The following ZNF160 variants were observed in gnomAD, a reference collection of about 807,000 sequenced individuals.
The protein encoded by ZNF160 is zinc finger protein 160.
Under a neutral mutation model 13.1 loss-of-function variants are expected in ZNF160, and 9 were observed. The observed-to-expected ratio is 0.69, with a 90% CI of 0.41 to 1.20. The LOEUF (loss-of-function observed/expected upper bound fraction) is 1.20, where lower values mean the gene tolerates loss of function less well. ZNF160 is among the 50% of genes most tolerant of loss of function. The pLI, the probability that ZNF160 is intolerant of heterozygous loss-of-function variation, is 0.01. For synonymous variants in ZNF160, 293 were observed against 333.2 expected, an observed-to-expected ratio of 0.88 and a Z score of 1.31; for missense variants, 838 against 988.0, an observed-to-expected ratio of 0.85 and a Z score of 2.04.
chr19:53,083,961 T>G (rs556416678), intron 3 of ZNF160, among the ~76,000 whole-genome samples: 55 of 152,282 alleles, frequency 3.6e-4, no homozygotes, highest in African/African-American at 1.1e-3. Flanking sequence ...TGTTCCCTAC[T>G]TCCTACTTAG....
At chr19:53,075,359 G>A (rs2084347292) in intron 3 of ZNF160, 176 bp from the exon 4 acceptor site, 2 of 694,252 alleles carry the variant, frequency 2.9e-6, no homozygotes, top group South Asian at 3.8e-5. Context: ...CCTGACATAA[G>A]AGCTCACTTG....
rs772985632 is a variant in ZNF160, at chr19:53,068,391, T to C, written c.2143A>G (p.Ser715Gly). ...YRCNECGKAF[S>G]VRSSLTTHQA... The stretch of plus-strand genomic sequence containing the variant: ...TGGGTGGTTAGGCTTGAACGAACAC[T>C]GAAGGCTTTCCCACACTCATTGCAT... Residue 715 changes from serine to glycine, a missense_variant, in exon 6 of 6, where the codon AGT becomes GGT. Ser to Gly is a moderately conservative substitution (Grantham distance 56). Coordinates refer to ENST00000683776, the MANE Select transcript of ZNF160 (RefSeq NM_001322131.2). The C allele has an allele frequency of 1.9e-6, 3 of 1,614,084 alleles. No homozygotes were observed. In the South Asian group the frequency reaches 3.3e-5, roughly 18 times the overall value.
chr19:53,086,359 G>C, intron 2 of ZNF160, 38 bp from the exon 3 acceptor site: 1 of 1,511,486 alleles, frequency 6.6e-7, no homozygotes, highest in Non-Finnish European at 8.9e-7. Context: ...AGTCAATACT[G>C]AATATCCAAA....
At chr19:53,100,338 T>C (rs952674534) in intron 1 of ZNF160, among the ~76,000 whole-genome samples, 1 of 152,206 alleles carries the variant, frequency 6.6e-6, no homozygotes, top group African/African-American at 2.4e-5. Context: ...TGGCCGAGCG[T>C]GGTGGCTCAC....
intron 5 of ZNF160, among the ~76,000 whole-genome samples, chr19:53,071,576 T>C (rs1415671234): frequency 6.8e-6 from 1 of 148,110 alleles, no homozygotes. Flanking sequence ...GGCATGAGGA[T>C]TGCCTTAGCC....
intron 2 of ZNF160, among the ~76,000 whole-genome samples, chr19:53,089,224 A>T (rs2084949857): frequency 6.6e-6 from 1 of 152,148 alleles, no homozygotes; most frequent in Admixed American, 6.5e-5. Flanking sequence ...CAACCAGTAA[A>T]CAGCATCTGA....
chr19:53,070,412 A>G (rs1044032017), intron 5 of ZNF160, 150 bp from the exon 6 acceptor site: 36 of 925,364 alleles, frequency 3.9e-5, no homozygotes, highest in Non-Finnish European at 4.8e-5. Context: ...TAGGAACAAA[A>G]ATGTTTTTTT....
intron 1 of ZNF160, among the ~76,000 whole-genome samples, chr19:53,093,955 C>G (rs1600905429): frequency 6.6e-6 from 1 of 152,136 alleles, no homozygotes; most frequent in Admixed American, 6.5e-5. Context: ...AATTCCCTTA[C>G]AATTGTGTAA....
chr19:53,072,872 G>GT (rs1282610117), intron 5 of ZNF160: 3 of 756,562 alleles, frequency 4.0e-6, no homozygotes, highest in Middle Eastern at 6.7e-4. Context: ...TATTGTCCGT[G>GT]GAATAATAAA....
Position 53,068,659 on chromosome 19 carries a change from T to C in ZNF160, c.1875A>G (p.Glu625=), listed in dbSNP as rs1457269074. The change falls in exon 6 of 6, where the codon GAA becomes GAG. Residue 625 remains glutamate (E), a synonymous_variant. Transcript: ENST00000683776. ...HTGEKPYKCH[E]CGKVFRHNSY... is the part of the protein sequence containing the mutation. The stretch of plus-strand genomic sequence containing the variant: ...AATTGTGCCTAAAAACCTTGCCGCA[T>C]TCATGACATTTGTAAGGTTTCTCTC... 1.2e-6 allele frequency: 2 copies of C among 1,613,890 alleles called. No homozygotes were observed. Among genetic ancestry groups the C allele is most frequent in the East Asian group, 2.2e-5 (1 of 44,832 alleles).
rs547893819 is a variant in ZNF160, at chr19:53,069,337, G to A, written c.1197C>T (p.Cys399=). ...CACTAAAGGCTTTGCCGCACTCATT[G>A]CACTTGTAAGGTTTCTCTCCAGTGT... The part of the protein sequence containing the change: ...RIHTGEKPYK[C]NECGKAFSVR... The change falls in exon 6 of 6, where the codon TGC becomes TGT. Residue 399 remains cysteine (C), a synonymous_variant. Transcript: ENST00000683776. This position sits in a 1 kb window ranked among gnomAD's most constrained non-coding sequence, Gnocchi z 4.4. The A allele has an allele frequency of 8.0e-5, 129 of 1,613,014 alleles. No individual in the cohort carries two copies. Among genetic ancestry groups the A allele is most frequent in the South Asian group, 6.3e-4 (57 of 90,976 alleles).
chr19:53,080,401 G>A (rs1811655823), intron 3 of ZNF160, among the ~76,000 whole-genome samples: 1 of 152,120 alleles, frequency 6.6e-6, no homozygotes, highest in South Asian at 2.1e-4. Context: ...GCCCGGCCCA[G>A]TCAGCAGTAC....
chr19:53,091,323 C>T (rs946648400), intron 2 of ZNF160, 90 bp downstream of exon 2: 2 of 152,202 alleles, frequency 1.3e-5, no homozygotes, highest in Non-Finnish European at 2.9e-5. Context: ...CTCATATATA[C>T]ACATATGTCT....
rs772390990 is a variant in ZNF160, at chr19:53,068,927, G to A, written c.1607C>T (p.Pro536Leu). ...THQAIHSGEK[P>L]YKCIECGKSF... ...CTTGCCACATTCAATACATTTGTAA[G>A]GTTTCTCTCCAGAATGGATTGCCTG... Residue 536 changes from proline to leucine, a missense_variant, in exon 6 of 6, where the codon CCT becomes CTT. This residue lies in a region of ZNF160 where 400 missense variants were observed against 538.9 expected (regional missense o/e 0.74). Coordinates refer to ENST00000683776, the MANE Select transcript of ZNF160 (RefSeq NM_001322131.2). 1.2e-6 allele frequency: 2 copies of A among 1,613,920 alleles called. No individual in the cohort carries two copies. Among genetic ancestry groups the A allele is most frequent in the Admixed American group, 1.7e-5 (1 of 60,000 alleles).
chr19:53,084,953 CTTTT>C (rs56958526), intron 3 of ZNF160: 521 of 141,852 alleles, frequency 3.7e-3, no homozygotes, highest in African/African-American at 4.7e-3. Flanking sequence ...AGGGTGGCAC[CTTTT>C]TTTTTTTTTT....
At chr19:53,075,933 A>T (rs1014162455) in intron 3 of ZNF160, 7 of 387,840 alleles carry the variant, frequency 1.8e-5, no homozygotes, top group African/African-American at 1.2e-4. Flanking sequence ...AGCTGACCCT[A>T]TATCCAGATA....
At chr19:53,077,585 CT>C in intron 3 of ZNF160, among the ~76,000 whole-genome samples, 2 of 148,832 alleles carry the variant, frequency 1.3e-5, no homozygotes, top group African/African-American at 4.9e-5. Flanking sequence ...CAGAGAATCG[CT>C]TGAACCCGGG....
chr19:53,097,335 C>T (rs1319615646), intron 1 of ZNF160, among the ~76,000 whole-genome samples: 4 of 148,670 alleles, frequency 2.7e-5, no homozygotes, highest in Non-Finnish European at 5.9e-5. Context: ...CCCACAGACG[C>T]CCCCACAACA....
At chr19:53,082,739 A>G (rs895993138) in intron 3 of ZNF160, among the ~76,000 whole-genome samples, 8 of 152,198 alleles carry the variant, frequency 5.3e-5, no homozygotes, top group Non-Finnish European at 1.2e-4. Context: ...CAAGCAATCA[A>G]TTGTGCAGCA....
Sources: gnomAD v4.1 joint callset for allele counts (sites outside exome capture counted in the v4.1 genomes callset) on GRCh38, gnomAD v4.1.1 for gene constraint, gnomAD v4.1.1 regional missense constraint, Gnocchi (gnomAD v3.1) non-coding constraint, MANE v1.5 for transcripts, NCBI Gene and HGNC (gene_info 2026-07-23, HGNC 2026-07-21) for gene names.